RAB39A: variants seen among roughly 807,000 people sequenced by gnomAD.
RAB39A encodes ras-related protein Rab-39A.
Under a neutral mutation model 20.9 loss-of-function variants are expected in RAB39A, and 17 were observed. The observed-to-expected ratio is 0.81, with a 90% confidence interval of 0.56 to 1.22. The LOEUF (loss-of-function observed/expected upper bound fraction) is 1.22, where lower values mean the gene tolerates loss of function less well. Among genes scored for constraint, RAB39A ranks in the 50% most tolerant of loss-of-function variants. The pLI is 0.00. For synonymous variants in RAB39A, 99 were observed against 103.4 expected (o/e 0.96, Z 0.26); for missense variants, 234 against 270.5 (o/e 0.87, Z 0.95).
intron 1 of RAB39A, among the ~76,000 whole-genome samples, chr11:107,956,441 C>G (rs1314135158): frequency 6.6e-6 from 1 of 152,138 alleles, no homozygotes; most frequent in Admixed American, 6.5e-5. Context: ...GGACGCTATA[C>G]AAGAGTACTG....
chr11:107,961,448 G>A (rs1016303336), intron 1 of RAB39A, among the ~76,000 whole-genome samples: 3 of 152,234 alleles, frequency 2.0e-5, no homozygotes, highest in Admixed American at 1.3e-4. Flanking sequence ...ATTAGGGTTA[G>A]CATTTCAACA....
intron 1 of RAB39A, among the ~76,000 whole-genome samples, chr11:107,930,708 T>C (rs1222901362): frequency 6.6e-6 from 1 of 151,616 alleles, no homozygotes; most frequent in Non-Finnish European, 1.5e-5. Context: ...ATACAAAAAT[T>C]AGCTGGGCAT....
chr11:107,935,197 G>A (rs900239196), intron 1 of RAB39A, among the ~76,000 whole-genome samples: 55 of 152,124 alleles, frequency 3.6e-4, no homozygotes, highest in Non-Finnish European at 6.9e-4. Flanking sequence ...AGTGTAAAAT[G>A]AAAGCAAGTT....
chr11:107,962,492 A>G lies in RAB39A; in HGVS notation c.*120A>G, dbSNP rs1861509064. ...AAAAAGGTTACAAACCCACACCAAT[A>G]CTATTTTATAAGGTATTTGATTCAG... On this transcript the variant is annotated 3_prime_UTR_variant, in exon 2 of 2. Transcript: ENST00000320578. 2.2e-6 allele frequency: 2 copies of G among 917,730 alleles called. No homozygotes were observed. The highest frequency in any genetic ancestry group is 1.7e-5 in the African/African-American group (1 of 59,722). 56.8% of individuals were successfully genotyped at this position (917,730 alleles called of 1,614,324 possible). A position where few individuals can be genotyped will look rare whatever the true frequency, so the allele number is the denominator to read the frequency against.
chr11:107,943,507 G>A (rs1861280173), intron 1 of RAB39A, among the ~76,000 whole-genome samples: 1 of 149,828 alleles, frequency 6.7e-6, no homozygotes, highest in South Asian at 2.1e-4. Context: ...GGAGGCGACG[G>A]TTGCAGTGAG....
intron 1 of RAB39A, among the ~76,000 whole-genome samples, chr11:107,935,658 G>A (rs1861187229): frequency 6.6e-6 from 1 of 152,008 alleles, no homozygotes. Context: ...TTACAGGTGT[G>A]AGCCACCGCG....
intron 1 of RAB39A, among the ~76,000 whole-genome samples, chr11:107,938,521 G>A (rs1313207793): frequency 6.7e-6 from 1 of 148,672 alleles, no homozygotes; most frequent in Non-Finnish European, 1.5e-5. Flanking sequence ...CTTGAGCCCA[G>A]GAGTTCGAGA....
intron 1 of RAB39A, among the ~76,000 whole-genome samples, chr11:107,943,883 T>C (rs1194721060): frequency 6.6e-6 from 1 of 152,062 alleles, no homozygotes; most frequent in African/African-American, 2.4e-5. Context: ...TTACTTGAGG[T>C]CAGGAGTTCA....
chr11:107,937,539 ATTTT>A (rs112197410), intron 1 of RAB39A, among the ~76,000 whole-genome samples: 1 of 142,770 alleles, frequency 7.0e-6, no homozygotes, highest in African/African-American at 2.6e-5. Context: ...AATTATTACT[ATTTT>A]TTTTTTTTTT....
intron 1 of RAB39A, among the ~76,000 whole-genome samples, chr11:107,938,862 A>AT (rs1200833747): frequency 6.6e-6 from 1 of 152,172 alleles, no homozygotes; most frequent in Non-Finnish European, 1.5e-5. Flanking sequence ...AAAACCTGTG[A>AT]TTATTTTTCT....
intron 1 of RAB39A, among the ~76,000 whole-genome samples, chr11:107,945,098 G>A (rs138086294): frequency 2.6e-5 from 4 of 151,756 alleles, no homozygotes; most frequent in East Asian, 1.9e-4. Context: ...CAGGAGAATC[G>A]CTTGAACCCC....
chr11:107,936,347 C>T (rs1861194573), intron 1 of RAB39A, among the ~76,000 whole-genome samples: 1 of 151,938 alleles, frequency 6.6e-6, no homozygotes, highest in African/African-American at 2.4e-5. Context: ...TCCCCCCACC[C>T]CATTTTTATT....
At chr11:107,944,560 T>C (rs1861290629) in intron 1 of RAB39A, among the ~76,000 whole-genome samples, 1 of 152,104 alleles carries the variant, frequency 6.6e-6, no homozygotes, top group African/African-American at 2.4e-5. Context: ...CTAATTTTTG[T>C]ATTTTTAGTA....
At chr11:107,939,652 G>C (rs1861240518) in intron 1 of RAB39A, among the ~76,000 whole-genome samples, 1 of 151,102 alleles carries the variant, frequency 6.6e-6, no homozygotes, top group South Asian at 2.1e-4. Context: ...AGAACGTAAT[G>C]AGAGACCTGC....
chr11:107,956,696 C>T (rs1861440154), intron 1 of RAB39A, among the ~76,000 whole-genome samples: 3 of 152,164 alleles, frequency 2.0e-5, no homozygotes, highest in Admixed American at 6.6e-5. Context: ...TGAGTGCCCA[C>T]TTGGGATTGG....
At chr11:107,943,800 A>G (rs930586614) in intron 1 of RAB39A, among the ~76,000 whole-genome samples, 1 of 152,078 alleles carries the variant, frequency 6.6e-6, no homozygotes. Context: ...CTCTCTTATA[A>G]TAGTAGTCCA....
intron 1 of RAB39A, among the ~76,000 whole-genome samples, chr11:107,931,408 G>C (rs1861135889): frequency 6.6e-6 from 1 of 152,206 alleles, no homozygotes; most frequent in African/African-American, 2.4e-5. Context: ...CTGACAGTGA[G>C]TCATAATTTA....
chr11:107,945,183 C>CAA (rs530534250), intron 1 of RAB39A, among the ~76,000 whole-genome samples: 2 of 120,664 alleles, frequency 1.7e-5, no homozygotes, highest in Admixed American at 8.7e-5. Context: ...GACTCCATCT[C>CAA]AAAAAAAAAA....
intron 1 of RAB39A, among the ~76,000 whole-genome samples, chr11:107,944,106 AAAAT>A (rs1861286473): frequency 6.6e-6 from 1 of 152,094 alleles, no homozygotes; most frequent in Non-Finnish European, 1.5e-5. Flanking sequence ...AAAAAAAAAA[AAAAT>A]AATAATAGTA....
Sources: allele counts gnomAD v4.1 joint callset (sites outside exome capture counted in the v4.1 genomes callset), GRCh38; gene constraint gnomAD v4.1.1; transcripts MANE v1.5; gene names NCBI Gene and HGNC (gene_info 2026-07-23, HGNC 2026-07-21).